The following ANP32A variants were observed in gnomAD, a reference collection of about 807,000 sequenced individuals.
ANP32A encodes the protein acidic nuclear phosphoprotein 32 family member A, also known as acidic leucine-rich nuclear phosphoprotein 32 family member A.
In ANP32A, 1 loss-of-function variant was observed where a neutral mutation model predicts 33.9. That is an observed-to-expected ratio of 0.03 (90% CI 0.01 to 0.14). The LOEUF (loss-of-function observed/expected upper bound fraction) is 0.14. ANP32A is among the 10% of genes least tolerant of loss of function. ANP32A has a pLI of 1.00. For missense variants in ANP32A, 155 were observed against 306.0 expected, an observed-to-expected ratio of 0.51 and a Z score of 3.68; for synonymous variants, 115 against 120.5, an observed-to-expected ratio of 0.95 and a Z score of 0.30.
At position 68,780,570 on chromosome 15, in the gene ANP32A, A is replaced by G; in HGVS notation, c.625-97T>C. On this transcript the variant is annotated intron_variant, in intron 5 of 6. Coordinates refer to ENST00000465139, the MANE Select transcript of ANP32A (RefSeq NM_006305.4). This position sits in a 1 kb window ranked among gnomAD's most constrained non-coding sequence, Gnocchi z 4.3. The stretch of plus-strand genomic sequence containing the variant: ...GCACAAAAAGGCCGGGGTCACCCCC[A>G]GCCTCTCAGAGCCCCCACCAAGACT... 6.5e-7 allele frequency: 1 copy of G among 1,533,928 alleles called. No homozygotes were observed. Among genetic ancestry groups the G allele is most frequent in the Non-Finnish European group, 8.7e-7 (1 of 1,145,170 alleles).
At chr15:68,783,633 C>T (rs528880994) in intron 4 of ANP32A, among the ~76,000 whole-genome samples, 1 of 152,336 alleles carries the variant, frequency 6.6e-6, no homozygotes, top group South Asian at 2.1e-4. Context: ...CAAGTGTCTC[C>T]ATTCTCAACT....
At chr15:68,819,032 A>C (rs1230347794) in intron 1 of ANP32A, among the ~76,000 whole-genome samples, 4 of 152,162 alleles carry the variant, frequency 2.6e-5, no homozygotes, top group Non-Finnish European at 5.9e-5. Context: ...CAGCTGCGTT[A>C]AGGCGGGGAG....
chr15:68,795,209 C>T (rs1894048079), intron 1 of ANP32A, among the ~76,000 whole-genome samples: 1 of 150,224 alleles, frequency 6.7e-6, no homozygotes, highest in Non-Finnish European at 1.5e-5. Flanking sequence ...ACCCAGATCT[C>T]CACACCTCTA....
chr15:68,807,798 C>T (rs1894256319), intron 1 of ANP32A, among the ~76,000 whole-genome samples: 1 of 152,218 alleles, frequency 6.6e-6, no homozygotes, highest in Admixed American at 6.5e-5. Flanking sequence ...AGTTCTCAAG[C>T]ACTACTGCCC....
chr15:68,794,104 T>A (rs1894032856), intron 1 of ANP32A, among the ~76,000 whole-genome samples: 1 of 152,200 alleles, frequency 6.6e-6, no homozygotes, highest in Non-Finnish European at 1.5e-5. Flanking sequence ...GTCCATCACC[T>A]AGGGTTGGAT....
chr15:68,820,809 C>T lies in ANP32A; in HGVS notation c.-58G>A. The T allele has an allele frequency of 6.2e-7, 1 of 1,607,230 alleles. No homozygotes were observed. Among genetic ancestry groups the T allele is most frequent in the South Asian group, 1.1e-5 (1 of 90,920 alleles). ...GCCGGCGGAATTCAATCAATAAACCCCGAACCCACGGCCGCGCGTTTTAGG... is the reference window on the plus strand; with the variant it reads ...GCCGGCGGAATTCAATCAATAAACCTCGAACCCACGGCCGCGCGTTTTAGG... On this transcript the variant is annotated 5_prime_UTR_variant, in exon 1 of 7. Coordinates refer to ENST00000465139, the MANE Select transcript of ANP32A (RefSeq NM_006305.4).
chr15:68,783,240 G>A (rs1415529045), intron 4 of ANP32A, among the ~76,000 whole-genome samples, 187 bp from the exon 5 acceptor site: 2 of 152,200 alleles, frequency 1.3e-5, no homozygotes, highest in South Asian at 4.2e-4. Context: ...ACATCCTGAA[G>A]TTGTGCCAAA....
chr15:68,815,139 C>T (rs932690901), intron 1 of ANP32A, among the ~76,000 whole-genome samples: 3 of 152,276 alleles, frequency 2.0e-5, no homozygotes, highest in East Asian at 1.9e-4. Flanking sequence ...GCACAGAACA[C>T]ATAAAAGGAC....
chr15:68,791,366 A>G (rs1018124419), intron 1 of ANP32A: 2 of 152,264 alleles, frequency 1.3e-5, no homozygotes, highest in African/African-American at 2.4e-5. Flanking sequence ...TTCTTTTGTT[A>G]TAAGTGTTGG....
intron 1 of ANP32A, chr15:68,790,691 T>C (rs1893988295): frequency 2.0e-5 from 3 of 152,060 alleles, no homozygotes; most frequent in African/African-American, 7.2e-5. Context: ...TATCCTAAAA[T>C]CCCAAAAGAA....
intron 5 of ANP32A, among the ~76,000 whole-genome samples, chr15:68,782,293 T>C (rs969884677): frequency 6.6e-6 from 1 of 152,148 alleles, no homozygotes; most frequent in Non-Finnish European, 1.5e-5. Context: ...CTTAAGCATT[T>C]TACTTACACT....
chr15:68,779,917 T>TC lies in ANP32A; in HGVS notation c.*163dup, dbSNP rs1217167847. Reference sequence around the variant, plus strand: ...TTATTCCACCCCCACCCGCCATCCCTCCCCCCGCAACCCCCAGTACACTCT... The same window carrying TC: ...TTATTCCACCCCCACCCGCCATCCCTCCCCCCCGCAACCCCCAGTACACTCT... On this transcript the variant is annotated 3_prime_UTR_variant, in exon 7 of 7. Transcript: ENST00000465139. 11 of 183,310 alleles carry TC rather than the reference T, an allele frequency of 6.0e-5. No individual in the cohort carries two copies. The highest frequency in any genetic ancestry group is 1.5e-4 in the African/African-American group (4 of 27,584). 11.4% of individuals were successfully genotyped at this position (183,310 alleles called of 1,614,324 possible).
In ANP32A at chr15:68,780,347, C is replaced by CATT. The variant is rs1567033150; in HGVS notation, c.688+62_688+63insAAT. On this transcript the variant is annotated intron_variant, in intron 6 of 6. Coordinates refer to ENST00000465139, the MANE Select transcript of ANP32A (RefSeq NM_006305.4). The surrounding 1 kb of genome is among the most constrained non-coding windows in gnomAD (Gnocchi z 4.3). ...ACTGCCAGGGGCCTCTGAGTCTAAG[C>CATT]AATCTAAGGCCAAAGTGAAAGGGCC... 1 of 1,611,524 alleles carries CATT rather than the reference C, an allele frequency of 6.2e-7. No individual in the cohort carries two copies. The highest frequency in any genetic ancestry group is 1.3e-5 in the African/African-American group (1 of 74,850).
intron 1 of ANP32A, among the ~76,000 whole-genome samples, chr15:68,807,479 G>A (rs1275747824): frequency 1.7e-5 from 2 of 117,990 alleles, no homozygotes; most frequent in African/African-American, 2.9e-5. Context: ...CCTCCCCTCC[G>A]CTTCACAGCT....
intron 1 of ANP32A, among the ~76,000 whole-genome samples, chr15:68,815,954 G>A (rs1238991246): frequency 1.3e-5 from 2 of 152,210 alleles, no homozygotes; most frequent in East Asian, 3.9e-4. Context: ...GGCTGCAGAT[G>A]CAGACTGCCT....
chr15:68,778,679 G>GTAAC lies in ANP32A; in HGVS notation c.*1398_*1401dup, dbSNP rs1893823826. The GTAAC allele has an allele frequency of 6.6e-6, 1 of 152,124 alleles. No individual in the cohort carries two copies. The highest frequency in any genetic ancestry group is 2.4e-5 in the African/African-American group (1 of 41,440). 9.4% of individuals were successfully genotyped at this position (152,124 alleles called of 1,614,324 possible). A position where few individuals can be genotyped will look rare whatever the true frequency, so the allele number is the denominator to read the frequency against. On this transcript the variant is annotated 3_prime_UTR_variant, in exon 7 of 7. Coordinates refer to ENST00000465139, the MANE Select transcript of ANP32A (RefSeq NM_006305.4). ...GATTGTTTGGGTACTTGTTTTTTTAGTAACTCTGTAACTTTTTTAAAGGAA... is the reference window on the plus strand; with the variant it reads ...GATTGTTTGGGTACTTGTTTTTTTAGTAACTAACTCTGTAACTTTTTTAAAGGAA...
intron 1 of ANP32A, among the ~76,000 whole-genome samples, chr15:68,816,973 T>G (rs1327969991): frequency 6.6e-6 from 1 of 152,196 alleles, no homozygotes; most frequent in South Asian, 2.1e-4. Context: ...TAAGTCAGCC[T>G]GGAAAACATC....
At chr15:68,790,887 G>A (rs1249039932) in intron 1 of ANP32A, 1 of 152,180 alleles carries the variant, frequency 6.6e-6, no homozygotes, top group Admixed American at 6.5e-5. Context: ...TGGGTACTTT[G>A]AACTAAAGGA....
Position 68,784,429 on chromosome 15 carries a change from T to C in ANP32A, c.494A>G (p.Glu165Gly), listed in dbSNP as rs1347783850. 6.2e-7 allele frequency: 1 copy of C among 1,613,656 alleles called. No homozygotes were observed. The highest frequency in any genetic ancestry group is 8.5e-7 in the Non-Finnish European group (1 of 1,179,908). The change falls in exon 4 of 7, where the codon GAG becomes GGG. Residue 165 changes from glutamate to glycine, a missense_variant. Around this residue, in one of 4 missense-constraint regions of ANP32A, gnomAD observed 85 missense variants for 183.8 expected, o/e 0.46. Coordinates refer to ENST00000465139, the MANE Select transcript of ANP32A (RefSeq NM_006305.4). ...APDSDAEGYV[E>G]GLDDEEEDED... Reference sequence around the variant, plus strand: ...ATCCTCCTCCTCATCATCCAGGCCCTCCACGTAGCCCTCAGCATCCGAGTC... The same window carrying C: ...ATCCTCCTCCTCATCATCCAGGCCCCCCACGTAGCCCTCAGCATCCGAGTC...
Sources: gnomAD v4.1 joint callset for allele counts (sites outside exome capture counted in the v4.1 genomes callset) on GRCh38, gnomAD v4.1.1 for gene constraint, gnomAD v4.1.1 regional missense constraint, Gnocchi (gnomAD v3.1) non-coding constraint, MANE v1.5 for transcripts, NCBI Gene and HGNC (gene_info 2026-07-23, HGNC 2026-07-21) for gene names.